FAM13C: variants seen among roughly 807,000 people sequenced by gnomAD.
The protein encoded by FAM13C is protein FAM13C.
FAM13C carries 37 observed loss-of-function variants against 73.2 expected under a neutral mutation model. The observed-to-expected ratio is 0.51, with a 90% CI of 0.39 to 0.67. The LOEUF is 0.67. FAM13C is among the 30% of genes least tolerant of loss of function. The pLI is 0.00. For missense variants in FAM13C, 589 were observed against 715.6 expected (o/e 0.82, Z 2.02); for synonymous variants, 246 against 260.9 (o/e 0.94, Z 0.55).
At chr10:59,247,776 C>G in intron 13 of FAM13C, 39 bp from the exon 14 acceptor site, 1 of 1,575,718 alleles carries the variant, frequency 6.3e-7, no homozygotes, top group African/African-American at 1.4e-5. Flanking sequence ...CACAATGAAT[C>G]AAGTCATTAT....
upstream of FAM13C, chr10:59,362,578 T>C: frequency 6.5e-7 from 1 of 1,535,826 alleles, no homozygotes; most frequent in Middle Eastern, 2.3e-4. Flanking sequence ...CGCTCTACCT[T>C]GGGCTGCTGT....
At chr10:59,362,294 T>C (rs1856510593) in intron 1 of FAM13C, 105 bp downstream of exon 1, 5 of 1,454,130 alleles carry the variant, frequency 3.4e-6, no homozygotes, top group South Asian at 1.2e-5. Flanking sequence ...CGGGAGACAA[T>C]GCATCTAAAA....
intron 3 of FAM13C, among the ~76,000 whole-genome samples, chr10:59,326,264 T>C (rs1377251234): frequency 6.6e-6 from 1 of 152,094 alleles, no homozygotes; most frequent in African/African-American, 2.4e-5. Context: ...TAAGGAGTAT[T>C]TGGACACAGC....
intron 3 of FAM13C, among the ~76,000 whole-genome samples, chr10:59,325,581 A>G (rs1276789716): frequency 6.6e-6 from 1 of 152,056 alleles, no homozygotes; most frequent in Non-Finnish European, 1.5e-5. Flanking sequence ...CTCTCACACA[A>G]TGGTTTTCAC....
At chr10:59,330,677 C>A (rs373149510) in intron 3 of FAM13C, among the ~76,000 whole-genome samples, 2 of 152,072 alleles carry the variant, frequency 1.3e-5, no homozygotes, top group Non-Finnish European at 2.9e-5. Flanking sequence ...ATCTAGCTAC[C>A]CCTCTCTAGG....
chr10:59,292,444 C>A (rs912071121), intron 5 of FAM13C, among the ~76,000 whole-genome samples: 2 of 152,210 alleles, frequency 1.3e-5, no homozygotes, highest in African/African-American at 2.4e-5. Context: ...GCCCACTGGG[C>A]CCTTAATCTG....
chr10:59,358,383 A>G lies in FAM13C; in HGVS notation c.63-2440T>C, dbSNP rs1855978851. On this transcript the variant is annotated intron_variant, in intron 1 of 13. Transcript: ENST00000618804. Reference sequence around the variant, plus strand: ...ACAGAGTGAGACTCTGTCTCATAAAAAAAAATGCTGCTTTGACTAGAATAA... The same window carrying G: ...ACAGAGTGAGACTCTGTCTCATAAAGAAAAATGCTGCTTTGACTAGAATAA... Among the ~76,000 whole-genome samples, 4 of 152,202 alleles carry G rather than the reference A, an allele frequency of 2.6e-5. No homozygotes were observed. The South Asian group carries it at 8.3e-4, about 31-fold the overall frequency.
intron 5 of FAM13C, 64 bp from the exon 6 acceptor site, chr10:59,283,511 C>T: frequency 6.5e-7 from 1 of 1,547,568 alleles, no homozygotes. Flanking sequence ...GCAAGGAATT[C>T]TGCCAGCAAA....
Position 59,264,120 on chromosome 10 carries a change from ATCCAT to A in FAM13C, c.984_988del (p.Lys328AsnfsTer3), listed in dbSNP as rs1564492594. The A allele has an allele frequency of 6.2e-7, 1 of 1,612,254 alleles. No homozygotes were observed. The highest frequency in any genetic ancestry group is 2.2e-5 in the East Asian group (1 of 44,748). On this transcript the variant is annotated frameshift_variant, in exon 9 of 14. Coordinates refer to ENST00000618804, the MANE Select transcript of FAM13C (RefSeq NM_198215.4). LOFTEE classifies it high-confidence loss of function. ...TTTACGACCTTTAGCCAAATCATTC[ATCCAT>A]TTCAGGACTTCAGGATTAGAAGTCT...
chr10:59,262,603 T>C lies in FAM13C; in HGVS notation c.1067A>G (p.Lys356Arg), dbSNP rs770274840. ...KLSEEQGSAP[K>R]GPPRNLLCEQ... ...ACACAACAGGTTTCTAGGTGGACCT[T>C]TGGGAGCACTCCCTTGTTCTTCTGA... The change falls in exon 10 of 14, where the codon AAA (lysine) becomes AGA (arginine). Residue 356 changes from lysine to arginine, a missense_variant. Coordinates refer to ENST00000618804, the MANE Select transcript of FAM13C (RefSeq NM_198215.4). 7 of 1,613,636 alleles carry C rather than the reference T, an allele frequency of 4.3e-6. No homozygotes were observed. The South Asian group carries it at 7.7e-5, about 18-fold the overall frequency.
At chr10:59,333,619 T>A (rs577810417) in intron 3 of FAM13C, among the ~76,000 whole-genome samples, 267 of 152,370 alleles carry the variant, frequency 1.8e-3, no homozygotes, top group African/African-American at 6.2e-3. Flanking sequence ...TGATACGGAA[T>A]CTCTACCATG....
chr10:59,356,325 G>C (rs1278474149), intron 1 of FAM13C, among the ~76,000 whole-genome samples: 1 of 152,086 alleles, frequency 6.6e-6, no homozygotes, highest in Non-Finnish European at 1.5e-5. Flanking sequence ...TCTGCTTCAG[G>C]CAGTCCCAAA....
chr10:59,257,072 A>G (rs1465921662), intron 10 of FAM13C, among the ~76,000 whole-genome samples: 1 of 152,228 alleles, frequency 6.6e-6, no homozygotes, highest in Non-Finnish European at 1.5e-5. Context: ...ATGGATTGTC[A>G]TAAAGATAAA....
chr10:59,356,048 G>A (rs999065245), intron 1 of FAM13C, 105 bp from the exon 2 acceptor site: 19 of 1,027,310 alleles, frequency 1.8e-5, no homozygotes, highest in Admixed American at 1.3e-4. Context: ...ACTAAAAGAT[G>A]AAACACTCCC....
chr10:59,352,906 C>T lies in FAM13C; in HGVS notation c.120-432G>A, dbSNP rs1455664008. Among the ~76,000 whole-genome samples, 6 of 152,160 alleles carry T rather than the reference C, an allele frequency of 3.9e-5. 1 individual carries two copies. Among genetic ancestry groups the T allele is most frequent in the Non-Finnish European group, 8.8e-5 (6 of 68,020 alleles). Reference sequence around the variant, plus strand: ...GACTAATCCACACAGACCCAGAGGCCTCATGTGGGTCTCCAGACTCACACC... The same window carrying T: ...GACTAATCCACACAGACCCAGAGGCTTCATGTGGGTCTCCAGACTCACACC... On this transcript the variant is annotated intron_variant, in intron 2 of 13. Transcript: ENST00000618804.
chr10:59,293,624 T>A (rs1331306556), intron 5 of FAM13C, among the ~76,000 whole-genome samples: 1 of 152,192 alleles, frequency 6.6e-6, no homozygotes, highest in African/African-American at 2.4e-5. Flanking sequence ...AATAAGAAAA[T>A]TCAGCTCTTG....
Position 59,321,180 on chromosome 10 carries a change from G to A in FAM13C, c.443+2808C>T, listed in dbSNP as rs576015876. Among the ~76,000 whole-genome samples, 10 of 152,234 alleles carry A rather than the reference G, an allele frequency of 6.6e-5. No individual in the cohort carries two copies. The South Asian group carries it at 2.1e-3, about 32-fold the overall frequency. On this transcript the variant is annotated intron_variant, in intron 4 of 13. Coordinates refer to ENST00000618804, the MANE Select transcript of FAM13C (RefSeq NM_198215.4). ...GTGAAAATGTAATTAAGGACCTCGA[G>A]ATAGGGAAATTATCTGAGTGAGCCC...
At chr10:59,359,996 C>T (rs1856199361) in intron 1 of FAM13C, among the ~76,000 whole-genome samples, 2 of 152,138 alleles carry the variant, frequency 1.3e-5, no homozygotes, top group Non-Finnish European at 2.9e-5. Flanking sequence ...AGGCCAAGGC[C>T]ATTGTGATGA....
At chr10:59,251,148 T>C in intron 13 of FAM13C, 1 of 200,938 alleles carries the variant, frequency 5.0e-6, no homozygotes, top group Non-Finnish European at 9.9e-6. Flanking sequence ...GGACAGATCC[T>C]GACTTTTAAG....
Sources: gnomAD v4.1 joint callset for allele counts (sites outside exome capture counted in the v4.1 genomes callset) on GRCh38, gnomAD v4.1.1 for gene constraint, MANE v1.5 for transcripts, NCBI Gene and HGNC (gene_info 2026-07-23, HGNC 2026-07-21) for gene names.